The following OCLN variants were observed in gnomAD, a reference collection of about 807,000 sequenced individuals.
The protein encoded by OCLN is phosphatase 1, regulatory subunit 115.
A neutral mutation model predicts 47.9 loss-of-function variants in OCLN; 21 were observed. That is an observed-to-expected ratio of 0.44 (90% CI 0.31 to 0.63). The LOEUF (loss-of-function observed/expected upper bound fraction) is 0.63. OCLN is among the 30% of genes least tolerant of loss of function. The pLI is 0.08. For synonymous variants in OCLN, 117 were observed against 198.4 expected, an observed-to-expected ratio of 0.59 and a Z score of 3.45; for missense variants, 360 against 571.0, an observed-to-expected ratio of 0.63 and a Z score of 3.77.
intron 4 of OCLN, among the ~76,000 whole-genome samples, chr5:69,528,928 A>G (rs1769356155): frequency 1.3e-5 from 2 of 152,292 alleles, no homozygotes; most frequent in Admixed American, 1.3e-4. Context: ...AATTAGGGCG[A>G]GGAGAAAAAT....
At chr5:69,510,459 A>T (rs1295337396) in intron 3 of OCLN, among the ~76,000 whole-genome samples, 2 of 152,144 alleles carry the variant, frequency 1.3e-5, no homozygotes, top group East Asian at 3.9e-4. Flanking sequence ...AGGCGGGCGG[A>T]TCATGAGGTC....
intron 1 of OCLN, among the ~76,000 whole-genome samples, chr5:69,500,736 C>T (rs1768434437): frequency 6.6e-6 from 1 of 152,064 alleles, no homozygotes; most frequent in African/African-American, 2.4e-5. Flanking sequence ...GGAGACGTGA[C>T]AACTCTGAAT....
At chr5:69,512,522 A>C (rs549574949) in intron 3 of OCLN, among the ~76,000 whole-genome samples, 1 of 152,284 alleles carries the variant, frequency 6.6e-6, no homozygotes, top group East Asian at 1.9e-4. Context: ...TGTTTTGGCT[A>C]GATTCTGGAT....
chr5:69,533,706 G>A (rs1319838778), intron 4 of OCLN, among the ~76,000 whole-genome samples: 4 of 152,164 alleles, frequency 2.6e-5, no homozygotes, highest in Admixed American at 2.6e-4. Flanking sequence ...AGGCTAGAGT[G>A]CAATGGCACT....
At chr5:69,510,979 C>T (rs559119455) in intron 3 of OCLN, among the ~76,000 whole-genome samples, 93 of 152,212 alleles carry the variant, frequency 6.1e-4, no homozygotes, top group Middle Eastern at 3.4e-3. Context: ...GATTTTGATT[C>T]GTATTTTCTT....
At chr5:69,522,300 G>A (rs948680794) in intron 4 of OCLN, among the ~76,000 whole-genome samples, 1 of 152,106 alleles carries the variant, frequency 6.6e-6, no homozygotes, top group African/African-American at 2.4e-5. Context: ...CTAAATGTGT[G>A]CAGAGGGTTG....
intron 4 of OCLN, among the ~76,000 whole-genome samples, chr5:69,520,977 A>T (rs1769121842): frequency 6.6e-6 from 1 of 152,050 alleles, no homozygotes; most frequent in African/African-American, 2.4e-5. Context: ...CCTCCTGAGT[A>T]GCTGGGATTA....
At chr5:69,528,948 C>CTA (rs1297547364) in intron 4 of OCLN, among the ~76,000 whole-genome samples, 1 of 152,134 alleles carries the variant, frequency 6.6e-6, no homozygotes. Context: ...TGAGGATTAG[C>CTA]TATAATTGCA....
chr5:69,548,727 G>A (rs1769775392), intron 7 of OCLN, among the ~76,000 whole-genome samples: 1 of 151,220 alleles, frequency 6.6e-6, no homozygotes. Context: ...GGGAGGCCAA[G>A]GCAAGTGGAT....
intron 3 of OCLN, among the ~76,000 whole-genome samples, chr5:69,513,433 G>A (rs1768840249): frequency 6.6e-6 from 1 of 152,194 alleles, no homozygotes; most frequent in African/African-American, 2.4e-5. Flanking sequence ...GTAAGATAGA[G>A]ATCTATGGAC....
At chr5:69,529,875 A>G (rs1769383240) in intron 4 of OCLN, among the ~76,000 whole-genome samples, 1 of 152,144 alleles carries the variant, frequency 6.6e-6, no homozygotes, top group Non-Finnish European at 1.5e-5. Flanking sequence ...AAGTGCTGGG[A>G]TTACAGGCAT....
chr5:69,516,042 G>A (rs925005743), intron 4 of OCLN, among the ~76,000 whole-genome samples: 2 of 145,434 alleles, frequency 1.4e-5, no homozygotes, highest in East Asian at 2.1e-4. Flanking sequence ...GGCTCCTCAC[G>A]TCCCAGACGA....
intron 4 of OCLN, among the ~76,000 whole-genome samples, chr5:69,531,595 T>C (rs1431288372): frequency 6.6e-6 from 1 of 152,252 alleles, no homozygotes; most frequent in Non-Finnish European, 1.5e-5. Flanking sequence ...TAAGGAATTC[T>C]GTGGGAACCA....
At chr5:69,497,101 A>G (rs114279501) in intron 1 of OCLN, among the ~76,000 whole-genome samples, 2,329 of 152,336 alleles carry the variant, frequency 0.015, 17 homozygotes, top group Non-Finnish European at 0.024. Flanking sequence ...TGGTCTCCAA[A>G]AAAATATCAA....
At chr5:69,513,117 C>T (rs1330356428) in intron 3 of OCLN, among the ~76,000 whole-genome samples, 8 of 152,196 alleles carry the variant, frequency 5.3e-5, no homozygotes. Context: ...AGTTCTCTTA[C>T]TACTTACTCT....
chr5:69,510,217 C>A (rs1171184247), intron 3 of OCLN, among the ~76,000 whole-genome samples: 1 of 146,940 alleles, frequency 6.8e-6, no homozygotes, highest in Non-Finnish European at 1.5e-5. Flanking sequence ...TGGAATCACA[C>A]AATGTGGTCT....
Position 69,549,158 on chromosome 5 carries a change from G to A in OCLN, c.1425+1057G>A, listed in dbSNP as rs1448787614. On this transcript the variant is annotated intron_variant, in intron 7 of 8. Transcript: ENST00000396442. ...ATCCTGGCTAACACAGTGAAACCCC[G>A]TCTCTACTAAAAAAAAAAAAAAAAT... Among the ~76,000 whole-genome samples, 14 of 97,768 alleles carry A rather than the reference G, an allele frequency of 1.4e-4. No homozygotes were observed. The East Asian group carries it at 2.7e-3, about 19-fold the overall frequency. 64.1% of individuals were successfully genotyped at this position (97,768 alleles called of 152,430 possible). A position where few individuals can be genotyped will look rare whatever the true frequency, so the allele number is the denominator to read the frequency against.
At chr5:69,550,456 T>G (rs1423409674) in intron 7 of OCLN, among the ~76,000 whole-genome samples, 1 of 151,642 alleles carries the variant, frequency 6.6e-6, no homozygotes, top group Non-Finnish European at 1.5e-5. Context: ...CCTCCCAAAG[T>G]GCTGGAATTA....
intron 4 of OCLN, among the ~76,000 whole-genome samples, chr5:69,518,558 T>A (rs572591674): frequency 6.6e-6 from 1 of 152,304 alleles, no homozygotes; most frequent in Admixed American, 6.5e-5. Flanking sequence ...ATTTCCTTAA[T>A]TGATGGAACA....
Sources: allele counts gnomAD v4.1 joint callset (sites outside exome capture counted in the v4.1 genomes callset), GRCh38; gene constraint gnomAD v4.1.1; transcripts MANE v1.5; gene names NCBI Gene and HGNC (gene_info 2026-07-23, HGNC 2026-07-21).